The following CPXM2 variants were observed in gnomAD, a reference collection of about 807,000 sequenced individuals.
The protein encoded by CPXM2 is inactive carboxypeptidase-like protein X2.
In CPXM2, 66 loss-of-function variants were observed where a neutral mutation model predicts 86.1. That is an observed-to-expected ratio of 0.77 (90% confidence interval 0.63 to 0.94). The LOEUF (loss-of-function observed/expected upper bound fraction) is 0.94. Ranked by LOEUF, CPXM2 falls within the 40% of genes least tolerant of loss-of-function variation. The pLI, the probability that CPXM2 is intolerant of heterozygous loss-of-function variation, is 0.00. For synonymous variants in CPXM2, 388 were observed against 400.2 expected (o/e 0.97, Z 0.36); for missense variants, 948 against 1,026.3 (o/e 0.92, Z 1.04).
In CPXM2 at chr10:123,752,200, A is replaced by G. The variant is rs895387144; in HGVS notation, c.2017+2463T>C. 5.1e-5 allele frequency: 50 copies of G among 985,458 alleles called. No individual in the cohort carries two copies. The East Asian group carries it at 5.0e-3, about 98-fold the overall frequency. 61.0% of individuals were successfully genotyped at this position (985,458 alleles called of 1,614,324 possible). A position where few individuals can be genotyped will look rare whatever the true frequency, so the allele number is the denominator to read the frequency against. Reference sequence around the variant, plus strand: ...CAACACTCTGCGTGGTCTCTGGCACATTCCAGCTATGCAATCTACATTTGC... The same window carrying G: ...CAACACTCTGCGTGGTCTCTGGCACGTTCCAGCTATGCAATCTACATTTGC... On this transcript the variant is annotated intron_variant, in intron 13 of 13. Transcript: ENST00000241305.
intron 11 of CPXM2, among the ~76,000 whole-genome samples, chr10:123,759,534 C>A (rs1257955141): frequency 6.6e-6 from 1 of 152,128 alleles, no homozygotes; most frequent in Admixed American, 6.5e-5. Context: ...GCTGAGAATA[C>A]GTGGCCAGAG....
intron 4 of CPXM2, among the ~76,000 whole-genome samples, chr10:123,840,072 A>G (rs1848356930): frequency 6.6e-6 from 1 of 152,222 alleles, no homozygotes; most frequent in Non-Finnish European, 1.5e-5. Context: ...TTTCTAATAC[A>G]ATAATAACCC....
Position 123,754,283 on chromosome 10 carries a change from TC to T in CPXM2, c.2017+379del, listed in dbSNP as rs1453927599. ...TTCTCCCTCTCCGGAGCAGCCTGGC[TC>T]CCTCGCTCCCTGGCCCCTCTGCACT... On this transcript the variant is annotated intron_variant, in intron 13 of 13. Transcript: ENST00000241305. This position sits in a 1 kb window ranked among gnomAD's most constrained non-coding sequence, Gnocchi z 4.0. Among the ~76,000 whole-genome samples, 1 of 152,176 alleles carries T rather than the reference TC, an allele frequency of 6.6e-6. No individual in the cohort carries two copies. Among genetic ancestry groups the T allele is most frequent in the Admixed American group, 6.5e-5 (1 of 15,270 alleles).
At chr10:123,789,275 C>A (rs1207193124) in intron 6 of CPXM2, among the ~76,000 whole-genome samples, 1 of 152,218 alleles carries the variant, frequency 6.6e-6, no homozygotes, top group African/African-American at 2.4e-5. Flanking sequence ...ACCTGCCGCC[C>A]CACAGGGCCC....
At chr10:123,755,986 C>T (rs747989289) in intron 12 of CPXM2, among the ~76,000 whole-genome samples, 5 of 152,198 alleles carry the variant, frequency 3.3e-5, no homozygotes, top group Admixed American at 1.3e-4. Context: ...GAAAAACAGA[C>T]TCACACCCTT....
At position 123,891,641 on chromosome 10, in the gene CPXM2, C is replaced by A. The variant is rs959209257; in HGVS notation, c.19G>T (p.Ala7Ser). Residue 7 changes from alanine (A) to serine (S), a missense_variant, in exon 1 of 14, where the codon GCT (alanine) becomes TCT (serine). Ala to Ser is a moderately conservative substitution (Grantham distance 99). Coordinates refer to ENST00000241305, the MANE Select transcript of CPXM2 (RefSeq NM_198148.3). This position sits in a 1 kb window ranked among gnomAD's most constrained non-coding sequence, Gnocchi z 5.6. MSRPGTATPALALVLLA... is the reference protein window; with the variant it reads MSRPGTSTPALALVLLA... ...AGCACCAGGGCCAGCGCTGGGGTAGCGGTCCCCGGGCGGGACATGCCTGCT... is the reference window on the plus strand; with the variant it reads ...AGCACCAGGGCCAGCGCTGGGGTAGAGGTCCCCGGGCGGGACATGCCTGCT... The A allele has an allele frequency of 6.9e-7, 1 of 1,451,622 alleles. No individual in the cohort carries two copies. The highest frequency in any genetic ancestry group is 9.1e-7 in the Non-Finnish European group (1 of 1,101,580). 89.9% of individuals were successfully genotyped at this position (1,451,622 alleles called of 1,614,324 possible).
At chr10:123,810,996 A>G (rs1847677940) in intron 4 of CPXM2, among the ~76,000 whole-genome samples, 1 of 152,164 alleles carries the variant, frequency 6.6e-6, no homozygotes, top group Non-Finnish European at 1.5e-5. Flanking sequence ...CCATGCATAT[A>G]TAAAACCTGA....
chr10:123,875,105 G>T (rs991293855), intron 2 of CPXM2, among the ~76,000 whole-genome samples: 6 of 152,118 alleles, frequency 3.9e-5, no homozygotes, highest in Non-Finnish European at 8.8e-5. Flanking sequence ...GCCAGCCCAG[G>T]ACCCCTAATC....
intron 2 of CPXM2, among the ~76,000 whole-genome samples, chr10:123,929,310 G>C (rs1392978470): frequency 6.6e-6 from 1 of 152,238 alleles, no homozygotes; most frequent in Non-Finnish European, 1.5e-5. Context: ...GGGCCCATGG[G>C]AGGGCACTGG....
chr10:123,854,357 TAAAA>T, intron 3 of CPXM2, among the ~76,000 whole-genome samples: 1 of 117,350 alleles, frequency 8.5e-6, no homozygotes, highest in Admixed American at 9.8e-5. Flanking sequence ...TATATATATA[TAAAA>T]ATATATATAT....
chr10:123,887,866 TGA>T (rs1945204863), intron 1 of CPXM2, among the ~76,000 whole-genome samples: 1 of 152,224 alleles, frequency 6.6e-6, no homozygotes. Flanking sequence ...CAATTTCCTG[TGA>T]GTTTATAATT....
At position 123,854,258 on chromosome 10, in the gene CPXM2, G is replaced by C. The variant is rs569620748; in HGVS notation, c.513+8356C>G. Among the ~76,000 whole-genome samples, 177 of 149,084 alleles carry C rather than the reference G, an allele frequency of 1.2e-3. 1 individual carries two copies. The highest frequency in any genetic ancestry group is 4.1e-3 in the African/African-American group (165 of 40,230). On this transcript the variant is annotated intron_variant, in intron 3 of 13. Coordinates refer to ENST00000241305, the MANE Select transcript of CPXM2 (RefSeq NM_198148.3). ...CCTTCCTGGATGTGGGCGTGGGAGA[G>C]CCTAGGGGAAACTCAAGCCAGTGGT... is the stretch of plus-strand genomic sequence containing the variant.
Position 123,862,601 on chromosome 10 carries a change from C to T in CPXM2, c.513+13G>A. On this transcript the variant is annotated intron_variant, in intron 3 of 13. Coordinates refer to ENST00000241305, the MANE Select transcript of CPXM2 (RefSeq NM_198148.3). The stretch of plus-strand genomic sequence containing the variant: ...AAGGCAGTCAAAATCCTTCCAACCA[C>T]AGGGCCAGGTACCTGGATGTTGAGT... 1 of 1,609,298 alleles carries T rather than the reference C, an allele frequency of 6.2e-7. No homozygotes were observed.
intron 2 of CPXM2, among the ~76,000 whole-genome samples, chr10:123,878,378 A>T (rs1258314511): frequency 7.0e-6 from 1 of 143,384 alleles, no homozygotes; most frequent in East Asian, 2.1e-4. Flanking sequence ...AATGAACCAG[A>T]GCCGTGATGG....
At chr10:123,766,209 C>CAG (rs35287692) in intron 10 of CPXM2, among the ~76,000 whole-genome samples, 5 of 151,896 alleles carry the variant, frequency 3.3e-5, no homozygotes, top group African/African-American at 9.7e-5. Flanking sequence ...ATGGCAGAGA[C>CAG]AGAGAGAGAG....
chr10:123,927,104 C>T (rs933448038), intron 2 of CPXM2, among the ~76,000 whole-genome samples: 5 of 152,188 alleles, frequency 3.3e-5, no homozygotes, highest in African/African-American at 1.2e-4. Flanking sequence ...TACCCACTCT[C>T]AATTTCCAGA....
chr10:123,926,984 C>A (rs1173293423), intron 2 of CPXM2, among the ~76,000 whole-genome samples: 1 of 152,126 alleles, frequency 6.6e-6, no homozygotes, highest in African/African-American at 2.4e-5. Flanking sequence ...ATTCTTGCAT[C>A]TCAGACCTGG....
At chr10:123,790,797 G>A (rs550104637) in intron 6 of CPXM2, among the ~76,000 whole-genome samples, 1 of 152,092 alleles carries the variant, frequency 6.6e-6, no homozygotes, top group African/African-American at 2.4e-5. Flanking sequence ...CACCCCATAC[G>A]TATTTGATAT....
intron 2 of CPXM2, among the ~76,000 whole-genome samples, chr10:123,933,758 A>AT (rs1945689512): frequency 1.3e-5 from 2 of 151,634 alleles, no homozygotes; most frequent in Admixed American, 6.6e-5. Flanking sequence ...AAAAAAAAAA[A>AT]GGAAGTACAC....
Sources: allele counts gnomAD v4.1 joint callset (sites outside exome capture counted in the v4.1 genomes callset), GRCh38; gene constraint gnomAD v4.1.1; non-coding constraint Gnocchi (gnomAD v3.1); transcripts MANE v1.5; gene names NCBI Gene and HGNC (gene_info 2026-07-23, HGNC 2026-07-21).